The following CRACDL variants were observed in gnomAD, a reference collection of about 807,000 sequenced individuals.
The protein encoded by CRACDL is CRACD-like protein.
CRACDL carries 26 observed loss-of-function variants against 70.6 expected under a neutral mutation model. The observed-to-expected ratio is 0.37, with a 90% CI of 0.27 to 0.51. The LOEUF (loss-of-function observed/expected upper bound fraction) is 0.51. CRACDL is among the 20% of genes least tolerant of loss of function. The pLI, the probability that CRACDL is intolerant of heterozygous loss-of-function variation, is 0.94. For synonymous variants in CRACDL, 618 were observed against 615.2 expected (o/e 1.00, Z -0.07); for missense variants, 1,283 against 1,376.9 (o/e 0.93, Z 1.08).
intron 1 of CRACDL, among the ~76,000 whole-genome samples, chr2:98,887,903 C>G (rs575105904): frequency 1.3e-5 from 2 of 152,188 alleles, no homozygotes; most frequent in Non-Finnish European, 2.9e-5. Context: ...AGCAAAACTA[C>G]CCTTCAAAAA....
In CRACDL at chr2:98,796,109, A is replaced by T; in HGVS notation, c.2749+11T>A. On this transcript the variant is annotated intron_variant, in intron 9 of 9. Coordinates refer to ENST00000397899, the MANE Select transcript of CRACDL (RefSeq NM_207362.3). The stretch of plus-strand genomic sequence containing the variant: ...TTTCAAAGTATGTGGTAATGTTTGC[A>T]GATTTCATACCCAAGTTCTGATGGG... 1 of 1,611,176 alleles carries T rather than the reference A, an allele frequency of 6.2e-7. No individual in the cohort carries two copies. Among genetic ancestry groups the T allele is most frequent in the South Asian group, 1.1e-5 (1 of 91,028 alleles).
chr2:98,929,611 C>T (rs1432764745), intron 1 of CRACDL, among the ~76,000 whole-genome samples: 1 of 152,070 alleles, frequency 6.6e-6, no homozygotes, highest in African/African-American at 2.4e-5. Context: ...ACACCTGGTC[C>T]CAGAATGCCC....
At chr2:98,905,021 C>T (rs981571944) in intron 1 of CRACDL, among the ~76,000 whole-genome samples, 10 of 151,948 alleles carry the variant, frequency 6.6e-5, no homozygotes, top group African/African-American at 2.2e-4. Flanking sequence ...GAGGCTGAGG[C>T]GGGTGGATCA....
At chr2:98,927,898 T>C (rs540648599) in intron 1 of CRACDL, among the ~76,000 whole-genome samples, 82 of 152,142 alleles carry the variant, frequency 5.4e-4, no homozygotes, top group African/African-American at 1.8e-3. Context: ...AGGTAGCTCA[T>C]GGCCAGGTGC....
intron 1 of CRACDL, among the ~76,000 whole-genome samples, chr2:98,874,820 C>A (rs905757668): frequency 6.6e-6 from 1 of 152,176 alleles, no homozygotes; most frequent in African/African-American, 2.4e-5. Context: ...AAAGTCCCAT[C>A]CTCGTTACTG....
intron 9 of CRACDL, among the ~76,000 whole-genome samples, chr2:98,795,124 G>A (rs1703763669): frequency 7.8e-6 from 1 of 127,794 alleles, no homozygotes; most frequent in African/African-American, 2.9e-5. Context: ...TGCCCAGGCT[G>A]GAGTGCAGTG....
At chr2:98,865,056 A>C (rs1020697082) in intron 1 of CRACDL, among the ~76,000 whole-genome samples, 3 of 152,316 alleles carry the variant, frequency 2.0e-5, no homozygotes, top group Non-Finnish European at 2.9e-5. Flanking sequence ...GGGAAAACAC[A>C]AACGTGGACA....
chr2:98,884,461 G>A (rs941847210), intron 1 of CRACDL, among the ~76,000 whole-genome samples: 2 of 152,206 alleles, frequency 1.3e-5, no homozygotes, highest in Admixed American at 6.5e-5. Context: ...CACAGTGACA[G>A]AGCCAGGCAG....
Position 98,822,606 on chromosome 2 carries a change from G to A in CRACDL, c.1667C>T (p.Ala556Val), listed in dbSNP as rs1285813268. The A allele has an allele frequency of 1.2e-5, 16 of 1,390,710 alleles. No homozygotes were observed. In the East Asian group the frequency reaches 1.2e-4, roughly 11 times the overall value. The allele number at this position is 1,390,710 out of a possible 1,614,324, so 86.1% of individuals were successfully genotyped here. A position where few individuals can be genotyped will look rare whatever the true frequency, so the allele number is the denominator to read the frequency against. The change falls in exon 7 of 10, where the codon GCG becomes GTG. Residue 556 changes from alanine to valine, a missense_variant. This residue lies in a region of CRACDL where 921 missense variants were observed against 881.9 expected (regional missense o/e 1.04). Transcript: ENST00000397899. The surrounding 1 kb of genome is among the most constrained non-coding windows in gnomAD (Gnocchi z 4.9). Reference protein sequence around the residue: ...EAPPAGAERAAPERKAERGGA... With the variant: ...EAPPAGAERAVPERKAERGGA... ...GCCCCTCTCCGCCTTCCGCTCTGGC[G>A]CCGCCCTCTCGGCGCCCGCCGGTGG...
chr2:98,897,864 G>A (rs936101985), intron 1 of CRACDL, among the ~76,000 whole-genome samples: 1 of 152,228 alleles, frequency 6.6e-6, no homozygotes, highest in Non-Finnish European at 1.5e-5. Context: ...CCCTCCAGGC[G>A]GACAGTCCCA....
At chr2:98,849,608 C>T (rs1479644506) in intron 1 of CRACDL, among the ~76,000 whole-genome samples, 2 of 151,974 alleles carry the variant, frequency 1.3e-5, no homozygotes, top group Non-Finnish European at 2.9e-5. Flanking sequence ...TGCAGACTCA[C>T]CTGTGTAGGT....
chr2:98,881,986 T>C (rs1015464445), intron 1 of CRACDL, among the ~76,000 whole-genome samples: 8 of 152,176 alleles, frequency 5.3e-5, no homozygotes, highest in African/African-American at 1.9e-4. Flanking sequence ...GGGGAGGACC[T>C]GGGAACAGTA....
chr2:98,810,441 CT>C (rs891651228), intron 7 of CRACDL, among the ~76,000 whole-genome samples: 12 of 152,222 alleles, frequency 7.9e-5, no homozygotes, highest in Middle Eastern at 6.8e-3. Flanking sequence ...CACCCACGAC[CT>C]GGGAAGAAAG....
At chr2:98,908,021 T>G (rs1206176154) in intron 1 of CRACDL, among the ~76,000 whole-genome samples, 1 of 152,190 alleles carries the variant, frequency 6.6e-6, no homozygotes, top group Non-Finnish European at 1.5e-5. Context: ...AATAAACCCA[T>G]GGGAATAGAA....
intron 1 of CRACDL, among the ~76,000 whole-genome samples, chr2:98,868,516 A>T (rs1011355444): frequency 6.6e-6 from 1 of 152,204 alleles, no homozygotes; most frequent in Non-Finnish European, 1.5e-5. Flanking sequence ...TGAGAGCCAA[A>T]CACCTTCCAG....
rs533135401 is a variant in CRACDL at position 98,908,710 on chromosome 2, C to T, written c.-11+27228G>A. On this transcript the variant is annotated intron_variant, in intron 1 of 9. Coordinates refer to ENST00000397899, the MANE Select transcript of CRACDL (RefSeq NM_207362.3). ...AGGCTCGGGTTTCCAAGGTGGCTTA[C>T]AGTCCAATGACCTTCCCCTCTCTGG... Among the ~76,000 whole-genome samples the T allele has an allele frequency of 9.2e-5, 14 of 152,338 alleles. No individual in the cohort carries two copies. In the East Asian group the frequency reaches 2.7e-3, roughly 29 times the overall value.
chr2:98,822,847 G>T lies in CRACDL; in HGVS notation c.1426C>A (p.Pro476Thr), dbSNP rs757198526. The change falls in exon 7 of 10, where the codon CCC (proline) becomes ACC (threonine). Residue 476 changes from proline to threonine, a missense_variant. By Grantham distance (38) the Pro-to-Thr change is conservative (BLOSUM62 -1). Around this residue, in one of 2 missense-constraint regions of CRACDL, gnomAD observed 921 missense variants for 881.9 expected, o/e 1.04. Transcript: ENST00000397899. The surrounding 1 kb of genome is among the most constrained non-coding windows in gnomAD (Gnocchi z 4.9). ...TEPERGAGTE[P>T]ERIGTEPSTA... is the part of the protein sequence containing the mutation. Reference sequence around the variant, plus strand: ...GAGGGCTCGGTCCCAATTCTCTCGGGCTCGGTCCCCGCTCCTCTCTCGGGC... The same window carrying T: ...GAGGGCTCGGTCCCAATTCTCTCGGTCTCGGTCCCCGCTCCTCTCTCGGGC... 58 of 1,447,160 alleles carry T rather than the reference G, an allele frequency of 4.0e-5. No homozygotes were observed. The highest frequency in any genetic ancestry group is 5.1e-5 in the Non-Finnish European group (57 of 1,108,466). 89.6% of individuals were successfully genotyped at this position (1,447,160 alleles called of 1,614,324 possible).
intron 1 of CRACDL, among the ~76,000 whole-genome samples, chr2:98,854,747 A>G (rs1475030867): frequency 6.6e-6 from 1 of 152,214 alleles, no homozygotes; most frequent in Non-Finnish European, 1.5e-5. Context: ...CATCAGACAA[A>G]CCCAAATGAG....
At chr2:98,907,060 G>A (rs959890169) in intron 1 of CRACDL, among the ~76,000 whole-genome samples, 23 of 152,268 alleles carry the variant, frequency 1.5e-4, no homozygotes, top group Admixed American at 5.9e-4. Flanking sequence ...AGGAGGCCGA[G>A]GTGGGTTGAT....
Sources: allele counts gnomAD v4.1 joint callset (sites outside exome capture counted in the v4.1 genomes callset), GRCh38; gene constraint gnomAD v4.1.1; regional missense constraint gnomAD v4.1.1; non-coding constraint Gnocchi (gnomAD v3.1); transcripts MANE v1.5; gene names NCBI Gene and HGNC (gene_info 2026-07-23, HGNC 2026-07-21).